The following TFEC variants were observed in gnomAD, a reference collection of about 807,000 sequenced individuals.
TFEC encodes the protein class E basic helix-loop-helix protein 34.
In TFEC, 31 loss-of-function variants were observed where a neutral mutation model predicts 41.6. That is an observed-to-expected ratio of 0.74 (90% confidence interval 0.56 to 1.01). The LOEUF is 1.01. Ranked by LOEUF, TFEC falls within the 50% of genes least tolerant of loss-of-function variation. TFEC has a pLI of 0.00. For missense variants in TFEC, 402 were observed against 404.1 expected (o/e 0.99, Z 0.04); for synonymous variants, 143 against 140.6 (o/e 1.02, Z -0.12).
At chr7:116,154,378 C>G (rs1026917058) in intron 1 of TFEC, among the ~76,000 whole-genome samples, 2 of 152,140 alleles carry the variant, frequency 1.3e-5, no homozygotes, top group African/African-American at 4.8e-5. Context: ...TATCACTGAG[C>G]TCCTATTCAA....
intron 3 of TFEC, among the ~76,000 whole-genome samples, chr7:116,040,588 A>T (rs1796013752): frequency 6.6e-6 from 1 of 152,164 alleles, no homozygotes; most frequent in African/African-American, 2.4e-5. Context: ...TTATCTCTCC[A>T]GGTTAATAAT....
chr7:116,137,277 TTA>T (rs1798450946), intron 1 of TFEC, among the ~76,000 whole-genome samples: 1 of 152,152 alleles, frequency 6.6e-6, no homozygotes, highest in South Asian at 2.1e-4. Flanking sequence ...TAAGTTGTAT[TTA>T]TGTTTCTGTG....
Position 116,030,618 on chromosome 7 carries a change from G to T in TFEC, c.-73+15C>A, listed in dbSNP as rs892500277. 117 of 985,274 alleles carry T rather than the reference G, an allele frequency of 1.2e-4. No individual in the cohort carries two copies. The highest frequency in any genetic ancestry group is 1.4e-4 in the Non-Finnish European group (114 of 829,898). The allele number at this position is 985,274 out of a possible 1,614,324, so 61.0% of individuals were successfully genotyped here. A position where few individuals can be genotyped will look rare whatever the true frequency, so the allele number is the denominator to read the frequency against. ...TTAAAGTACAGAAAATTAACCTGCCGGTTTAGTTACCTACCAGCAATGAGT... is the reference window on the plus strand; with the variant it reads ...TTAAAGTACAGAAAATTAACCTGCCTGTTTAGTTACCTACCAGCAATGAGT... On this transcript the variant is annotated intron_variant, in intron 1 of 7. Coordinates refer to ENST00000265440, the MANE Select transcript of TFEC (RefSeq NM_012252.4).
At chr7:116,002,451 A>G (rs1298006290) in intron 1 of TFEC, among the ~76,000 whole-genome samples, 1 of 152,176 alleles carries the variant, frequency 6.6e-6, no homozygotes, top group African/African-American at 2.4e-5. Flanking sequence ...ACATGTTCTC[A>G]TTTATTTGTG....
chr7:115,967,770 C>A (rs1239183099), intron 3 of TFEC, among the ~76,000 whole-genome samples: 1 of 151,376 alleles, frequency 6.6e-6, no homozygotes, highest in Non-Finnish European at 1.5e-5. Flanking sequence ...TGACTATATA[C>A]AATAATAGAA....
upstream of TFEC, chr7:116,030,837 C>T (rs1303108557): frequency 1.0e-6 from 1 of 985,146 alleles, no homozygotes; most frequent in Admixed American, 6.2e-5. Context: ...ATTTCCTGAA[C>T]CCTGGTTGGA....
At chr7:116,058,332 T>C (rs1796475601) in intron 3 of TFEC, among the ~76,000 whole-genome samples, 1 of 150,556 alleles carries the variant, frequency 6.6e-6, no homozygotes. Context: ...TTAGAGAGCA[T>C]ACAATCAGTT....
chr7:116,118,800 C>T (rs187665166), intron 1 of TFEC, among the ~76,000 whole-genome samples: 31 of 151,930 alleles, frequency 2.0e-4, no homozygotes, highest in African/African-American at 7.2e-4. Context: ...GGAGGCACAT[C>T]TGTGAGTTAT....
At chr7:115,986,942 CAAAT>C (rs1323045549) in intron 1 of TFEC, among the ~76,000 whole-genome samples, 1 of 151,912 alleles carries the variant, frequency 6.6e-6, no homozygotes, top group African/African-American at 2.4e-5. Flanking sequence ...AAGAAAATCT[CAAAT>C]AGAAAAGATC....
chr7:115,984,789 AT>A (rs1394197176), intron 1 of TFEC, among the ~76,000 whole-genome samples: 3 of 152,138 alleles, frequency 2.0e-5, no homozygotes, highest in East Asian at 3.8e-4. Flanking sequence ...AAACCACAAT[AT>A]TTTTTGAGGG....
At chr7:115,984,950 CTA>C (rs957098952) in intron 1 of TFEC, among the ~76,000 whole-genome samples, 6 of 151,842 alleles carry the variant, frequency 4.0e-5, no homozygotes, top group Admixed American at 3.3e-4. Flanking sequence ...CTTAAGAAAA[CTA>C]AAAATTATAA....
chr7:115,957,187 T>C (rs1792281894), intron 3 of TFEC, among the ~76,000 whole-genome samples: 1 of 151,880 alleles, frequency 6.6e-6, no homozygotes, highest in Non-Finnish European at 1.5e-5. Flanking sequence ...GTTCACCACA[T>C]CCCACAAATT....
Position 115,989,246 on chromosome 7 carries a change from T to C in TFEC, c.-72-4733A>G, listed in dbSNP as rs572987797. ...CTTATTCTTCATTGATCTACATTAA[T>C]GTATTTAAAATAATAAGGCAATCAT... is the stretch of plus-strand genomic sequence containing the variant. On this transcript the variant is annotated intron_variant, in intron 1 of 7. Transcript: ENST00000265440. Among the ~76,000 whole-genome samples, 5 of 152,318 alleles carry C rather than the reference T, an allele frequency of 3.3e-5. No individual in the cohort carries two copies. The South Asian group carries it at 1.0e-3, about 32-fold the overall frequency.
intron 3 of TFEC, among the ~76,000 whole-genome samples, chr7:116,094,126 A>G (rs1293724414): frequency 6.6e-6 from 1 of 152,246 alleles, no homozygotes; most frequent in Non-Finnish European, 1.5e-5. Context: ...TTTTAAATAC[A>G]TTAAGGAGGG....
chr7:116,048,780 C>G (rs1047756796), intron 3 of TFEC, among the ~76,000 whole-genome samples: 4 of 152,218 alleles, frequency 2.6e-5, no homozygotes, highest in African/African-American at 9.6e-5. Context: ...AACAGTGGAT[C>G]TCTCAGCAGA....
At chr7:116,149,669 T>C (rs1022700978) in intron 1 of TFEC, among the ~76,000 whole-genome samples, 3 of 152,142 alleles carry the variant, frequency 2.0e-5, no homozygotes, top group Non-Finnish European at 4.4e-5. Flanking sequence ...GATGGAGATA[T>C]CCTAAAATAT....
At chr7:116,015,611 C>T (rs991149257) in intron 1 of TFEC, among the ~76,000 whole-genome samples, 6 of 149,084 alleles carry the variant, frequency 4.0e-5, no homozygotes, top group African/African-American at 7.4e-5. Flanking sequence ...GGTAAAAGGA[C>T]GAAAAAAAGA....
chr7:115,971,087 A>T (rs770767125), intron 3 of TFEC, among the ~76,000 whole-genome samples: 66 of 151,984 alleles, frequency 4.3e-4, no homozygotes, highest in Non-Finnish European at 7.9e-4. Flanking sequence ...ATCCATTCAC[A>T]TTTGCTTGGG....
chr7:116,090,292 A>G (rs752773329), intron 3 of TFEC, among the ~76,000 whole-genome samples: 11 of 152,048 alleles, frequency 7.2e-5, no homozygotes, highest in Non-Finnish European at 1.6e-4. Context: ...CATTTACATG[A>G]GGTGAGCACC....
Sources: gnomAD v4.1 joint callset for allele counts (sites outside exome capture counted in the v4.1 genomes callset) on GRCh38, gnomAD v4.1.1 for gene constraint, MANE v1.5 for transcripts, NCBI Gene and HGNC (gene_info 2026-07-23, HGNC 2026-07-21) for gene names.